KCNH8: variants seen among roughly 807,000 people sequenced by gnomAD.
KCNH8 encodes the protein voltage-gated delayed rectifier potassium channel KCNH8.
KCNH8 carries 70 observed loss-of-function variants against 103.6 expected under a neutral mutation model. The observed-to-expected ratio is 0.68, with a 90% CI of 0.56 to 0.82. KCNH8 has a LOEUF of 0.82. Among genes scored for constraint, KCNH8 ranks in the 40% least tolerant of loss-of-function variants. The pLI is 0.00. For missense variants in KCNH8, 1,217 were observed against 1,329.9 expected, an observed-to-expected ratio of 0.92 and a Z score of 1.32; for synonymous variants, 498 against 489.4, an observed-to-expected ratio of 1.02 and a Z score of -0.23.
chr3:19,514,574 A>G (rs535743864), intron 13 of KCNH8, among the ~76,000 whole-genome samples: 21 of 151,068 alleles, frequency 1.4e-4, no homozygotes, highest in African/African-American at 5.1e-4. Flanking sequence ...GGTGATTTTT[A>G]TTTTGTTTTT....
intron 7 of KCNH8, among the ~76,000 whole-genome samples, chr3:19,429,868 C>A (rs1280824588): frequency 6.6e-6 from 1 of 152,164 alleles, no homozygotes; most frequent in African/African-American, 2.4e-5. Flanking sequence ...TAGCCTCCAG[C>A]TCCATCCGTG....
intron 3 of KCNH8, among the ~76,000 whole-genome samples, chr3:19,282,256 A>T (rs954106830): frequency 6.6e-6 from 1 of 152,120 alleles, no homozygotes; most frequent in African/African-American, 2.4e-5. Flanking sequence ...AGCCTTGCAA[A>T]TGCATGTCTG....
intron 1 of KCNH8, among the ~76,000 whole-genome samples, chr3:19,169,301 C>T (rs1317427727): frequency 6.7e-6 from 1 of 149,912 alleles, no homozygotes; most frequent in Non-Finnish European, 1.5e-5. Context: ...CTCTTTCGCC[C>T]AGGCTGGAGT....
At chr3:19,361,467 A>T (rs1274843394) in intron 5 of KCNH8, among the ~76,000 whole-genome samples, 4 of 152,122 alleles carry the variant, frequency 2.6e-5, no homozygotes, top group Non-Finnish European at 4.4e-5. Context: ...TGGCATTTAT[A>T]TTCAATGCTG....
rs184627978 is a variant in KCNH8 at position 19,534,060 on chromosome 3, C to T, written c.3285C>T (p.Ser1095=). 6.2e-7 allele frequency: 1 copy of T among 1,614,048 alleles called. No homozygotes were observed. The highest frequency in any genetic ancestry group is 8.5e-7 in the Non-Finnish European group (1 of 1,179,960). Reference sequence around the variant, plus strand: ...ACCTTCCACTGGAAGTTGTCACAAGCACAGCAGAAGTGAAAGATAACAAAG... The same window carrying T: ...ACCTTCCACTGGAAGTTGTCACAAGTACAGCAGAAGTGAAAGATAACAAAG... ...LENLPLEVVT[S]TAEVKDNKAI... The change falls in exon 16 of 16, where the codon AGC becomes AGT. Residue 1095 remains serine (S), a synonymous_variant. Coordinates refer to ENST00000328405, the MANE Select transcript of KCNH8 (RefSeq NM_144633.3).
intron 1 of KCNH8, among the ~76,000 whole-genome samples, chr3:19,166,745 G>T (rs1292550163): frequency 6.6e-6 from 1 of 152,154 alleles, no homozygotes; most frequent in Non-Finnish European, 1.5e-5. Context: ...GGATGGTGAT[G>T]GTATGTAATC....
intron 11 of KCNH8, among the ~76,000 whole-genome samples, chr3:19,502,628 C>G (rs928764856): frequency 6.6e-6 from 1 of 152,066 alleles, no homozygotes; most frequent in Non-Finnish European, 1.5e-5. Context: ...CGCCACATAT[C>G]TACAACTATC....
chr3:19,533,532 G>A lies in KCNH8; in HGVS notation c.2757G>A (p.Arg919=), dbSNP rs201143951. The change falls in exon 16 of 16, where the codon AGG becomes AGA. Residue 919 remains arginine, a synonymous_variant. Coordinates refer to ENST00000328405, the MANE Select transcript of KCNH8 (RefSeq NM_144633.3). ...SLHSTSVCPS[R]ESLQTRTSWS... is the part of the protein sequence containing the mutation. Reference sequence around the variant, plus strand: ...ACAGCACCTCTGTGTGTCCCTCCAGGGAGAGCTTACAGACCAGAACGAGCT... The same window carrying A: ...ACAGCACCTCTGTGTGTCCCTCCAGAGAGAGCTTACAGACCAGAACGAGCT... 1.2e-6 allele frequency: 2 copies of A among 1,614,160 alleles called. No homozygotes were observed. Among genetic ancestry groups the A allele is most frequent in the East Asian group, 2.2e-5 (1 of 44,850 alleles).
intron 8 of KCNH8, among the ~76,000 whole-genome samples, chr3:19,446,162 C>G (rs1329288483): frequency 2.0e-5 from 3 of 151,834 alleles, no homozygotes; most frequent in Non-Finnish European, 4.4e-5. Flanking sequence ...CACAACCAGA[C>G]AAAATATACA....
At chr3:19,374,894 G>A (rs535835946) in intron 5 of KCNH8, among the ~76,000 whole-genome samples, 43 of 152,134 alleles carry the variant, frequency 2.8e-4, no homozygotes, top group African/African-American at 1.0e-3. Flanking sequence ...TGAAATTCTG[G>A]GTTGAAAATT....
intron 11 of KCNH8, among the ~76,000 whole-genome samples, chr3:19,463,260 C>A (rs920523035): frequency 6.6e-6 from 1 of 152,074 alleles, no homozygotes; most frequent in Non-Finnish European, 1.5e-5. Flanking sequence ...AATGATAATT[C>A]ATTGCAAAAG....
chr3:19,377,091 T>C (rs2066219371), intron 5 of KCNH8, among the ~76,000 whole-genome samples: 1 of 152,194 alleles, frequency 6.6e-6, no homozygotes, highest in African/African-American at 2.4e-5. Flanking sequence ...GTAAGTTGGA[T>C]ACATCTGCTA....
At chr3:19,207,680 A>G (rs2063731001) in intron 1 of KCNH8, among the ~76,000 whole-genome samples, 1 of 152,012 alleles carries the variant, frequency 6.6e-6, no homozygotes, top group South Asian at 2.1e-4. Flanking sequence ...TTTTCATAGC[A>G]GTATGAACAA....
At chr3:19,244,954 T>C (rs2064185632) in intron 1 of KCNH8, among the ~76,000 whole-genome samples, 1 of 152,212 alleles carries the variant, frequency 6.6e-6, no homozygotes, top group South Asian at 2.1e-4. Context: ...AAAAGCTTTT[T>C]AGTTTAATTA....
intron 13 of KCNH8, 40 bp downstream of exon 13, chr3:19,513,365 GC>G (rs755302251): frequency 6.5e-7 from 1 of 1,544,158 alleles, no homozygotes; most frequent in South Asian, 1.3e-5. Flanking sequence ...CGTGAACGTG[GC>G]TGCCTTTTAT....
rs1240811018 is a variant in KCNH8, at chr3:19,450,014, GCTC to G, written c.1376-91_1376-89del. On this transcript the variant is annotated intron_variant, in intron 8 of 15. Transcript: ENST00000328405. ...TGGCCATGTAACCATGCTCTGCTCT[GCTC>G]TGATCCAGGATAAACTGTAAATTTA... 1.1e-5 allele frequency: 12 copies of G among 1,070,822 alleles called. No individual in the cohort carries two copies. The East Asian group carries it at 2.7e-4, about 24-fold the overall frequency. 66.3% of individuals were successfully genotyped at this position (1,070,822 alleles called of 1,614,324 possible).
At chr3:19,328,541 A>T (rs2065462606) in intron 3 of KCNH8, among the ~76,000 whole-genome samples, 1 of 152,182 alleles carries the variant, frequency 6.6e-6, no homozygotes, top group Non-Finnish European at 1.5e-5. Context: ...CAGAAGAGCA[A>T]TAAAAATTTG....
intron 3 of KCNH8, among the ~76,000 whole-genome samples, chr3:19,290,673 A>G (rs574922073): frequency 1.3e-5 from 2 of 152,280 alleles, no homozygotes; most frequent in South Asian, 2.1e-4. Context: ...GGATTTTTGC[A>G]TCAGTGTTAA....
chr3:19,152,762 C>T (rs558455717), intron 1 of KCNH8, among the ~76,000 whole-genome samples: 1 of 151,930 alleles, frequency 6.6e-6, no homozygotes, highest in Non-Finnish European at 1.5e-5. Context: ...ATGGTGAAAC[C>T]CCATTTCTAC....
Sources: allele counts gnomAD v4.1 joint callset (sites outside exome capture counted in the v4.1 genomes callset), GRCh38; gene constraint gnomAD v4.1.1; transcripts MANE v1.5; gene names NCBI Gene and HGNC (gene_info 2026-07-23, HGNC 2026-07-21).